Variants in ZNF536 observed in about 807,000 individuals in gnomAD.
ZNF536 encodes the protein zinc finger protein 536.
A neutral mutation model predicts 84.5 loss-of-function variants in ZNF536; 13 were observed. The observed-to-expected ratio is 0.15, with a 90% CI of 0.10 to 0.24. The LOEUF (loss-of-function observed/expected upper bound fraction) is 0.24, where lower values mean the gene tolerates loss of function less well. Ranked by LOEUF, ZNF536 falls within the 10% of genes least tolerant of loss-of-function variation. The pLI is 1.00. For synonymous variants in ZNF536, 811 were observed against 742.5 expected, an observed-to-expected ratio of 1.09 and a Z score of -1.50; for missense variants, 1,536 against 1,747.5, an observed-to-expected ratio of 0.88 and a Z score of 2.16.
chr19:30,539,055 A>AAAGGAAAGAAAAGAAAAGG (rs2045210849), intron 3 of ZNF536, among the ~76,000 whole-genome samples: 1 of 151,992 alleles, frequency 6.6e-6, no homozygotes, highest in East Asian at 1.9e-4. Flanking sequence ...AAAAGGAAAG[A>AAAGGAAAGAAAAGAAAAGG]AAGGAAAGAA....
intron 1 of ZNF536, among the ~76,000 whole-genome samples, chr19:30,709,093 G>T (rs2052359199): frequency 6.6e-6 from 1 of 152,108 alleles, no homozygotes; most frequent in Non-Finnish European, 1.5e-5. Context: ...CCAGCCAGAT[G>T]TTTTACCAGT....
intron 1 of ZNF536, among the ~76,000 whole-genome samples, chr19:30,245,065 T>C (rs1240857770): frequency 6.6e-6 from 1 of 152,152 alleles, no homozygotes; most frequent in Non-Finnish European, 1.5e-5. Context: ...TCCACCAGGC[T>C]TCAGCCTCAC....
intron 1 of ZNF536, among the ~76,000 whole-genome samples, chr19:30,638,581 A>G (rs898325187): frequency 5.3e-5 from 8 of 152,192 alleles, no homozygotes; most frequent in African/African-American, 1.7e-4. Context: ...AGTGCTAAAA[A>G]CCATTCAAGA....
At chr19:30,484,967 C>T (rs1031923932) in intron 2 of ZNF536, among the ~76,000 whole-genome samples, 2 of 151,850 alleles carry the variant, frequency 1.3e-5, no homozygotes, top group African/African-American at 4.8e-5. Context: ...CATGGTGAAA[C>T]CCCGTCTCTA....
chr19:30,708,680 C>T (rs1475138404), intron 1 of ZNF536, among the ~76,000 whole-genome samples: 1 of 152,148 alleles, frequency 6.6e-6, no homozygotes, highest in Admixed American at 6.5e-5. Context: ...TGGATTAGTC[C>T]TGGACACCAG....
At chr19:30,453,970 A>G (rs560636698) in intron 2 of ZNF536, among the ~76,000 whole-genome samples, 2 of 152,352 alleles carry the variant, frequency 1.3e-5, no homozygotes, top group East Asian at 3.9e-4. Flanking sequence ...GCTGCCCACC[A>G]CACCACATGG....
chr19:30,647,250 T>C (rs1812593681), intron 1 of ZNF536, among the ~76,000 whole-genome samples: 1 of 152,240 alleles, frequency 6.6e-6, no homozygotes, highest in Admixed American at 6.5e-5. Flanking sequence ...TCTTCCCCAC[T>C]GCTCAAGTCA....
chr19:30,602,684 G>A (rs138553657), intron 1 of ZNF536, among the ~76,000 whole-genome samples: 1 of 152,228 alleles, frequency 6.6e-6, no homozygotes, highest in African/African-American at 2.4e-5. Context: ...GAAGTTCCAG[G>A]GTTCAAGGAG....
rs879926620 is a variant in ZNF536, at chr19:30,256,287, G to C, written c.-190+27614G>C. Among the ~76,000 whole-genome samples the C allele has an allele frequency of 1.3e-4, 20 of 152,318 alleles. No individual in the cohort carries two copies. In the East Asian group the frequency reaches 3.7e-3, roughly 28 times the overall value. ...TTGTGTTGAAACATAGATCCAAGACGTCGTATGCGATTCCTCATTTTTCCT... is the reference window on the plus strand; with the variant it reads ...TTGTGTTGAAACATAGATCCAAGACCTCGTATGCGATTCCTCATTTTTCCT... On this transcript the variant is annotated intron_variant, in intron 1 of 5. Coordinates refer to the ZNF536 transcript ENST00000585628.
intron 2 of ZNF536, among the ~76,000 whole-genome samples, chr19:30,477,108 TC>T (rs769941732): frequency 6.6e-6 from 1 of 152,182 alleles, no homozygotes; most frequent in Non-Finnish European, 1.5e-5. Context: ...TTTGTTAAGG[TC>T]CACTTGTCTT....
chr19:30,323,649 G>A (rs550264527), intron 2 of ZNF536, among the ~76,000 whole-genome samples: 5 of 152,292 alleles, frequency 3.3e-5, no homozygotes, highest in Non-Finnish European at 7.4e-5. Context: ...GGCAGCATGG[G>A]AAAGAAGGCA....
At chr19:30,500,091 A>T (rs1476388118) in intron 2 of ZNF536, among the ~76,000 whole-genome samples, 1 of 152,200 alleles carries the variant, frequency 6.6e-6, no homozygotes, top group Non-Finnish European at 1.5e-5. Flanking sequence ...AATTTCTTAG[A>T]TTATTTTAAA....
chr19:30,344,303 A>AC (rs2047660385), intron 2 of ZNF536, among the ~76,000 whole-genome samples: 1 of 26,324 alleles, frequency 3.8e-5, no homozygotes, highest in Non-Finnish European at 6.2e-5. Context: ...ACACAAATAT[A>AC]TTGGCGGCCT....
At chr19:30,368,187 C>A (rs1214842009), upstream of ZNF536, among the ~76,000 whole-genome samples, 1 of 152,250 alleles carries the variant, frequency 6.6e-6, no homozygotes, top group Non-Finnish European at 1.5e-5. Context: ...GAGGGCAGAG[C>A]TGGCTGCAGC....
At chr19:30,254,259 C>T (rs977825437) in intron 1 of ZNF536, among the ~76,000 whole-genome samples, 1 of 152,074 alleles carries the variant, frequency 6.6e-6, no homozygotes, top group Non-Finnish European at 1.5e-5. Context: ...CCTGGTGCTC[C>T]GAATGCTCTT....
chr19:30,491,925 TCA>T (rs2054526725), intron 2 of ZNF536, among the ~76,000 whole-genome samples: 1 of 152,210 alleles, frequency 6.6e-6, no homozygotes, highest in Non-Finnish European at 1.5e-5. Flanking sequence ...TATTCCTTGA[TCA>T]GTCTTGTGTT....
chr19:30,338,514 T>A (rs2047461152), intron 2 of ZNF536, among the ~76,000 whole-genome samples: 1 of 151,790 alleles, frequency 6.6e-6, no homozygotes, highest in Non-Finnish European at 1.5e-5. Flanking sequence ...ATGATGATGA[T>A]GGTGCTGCTA....
intron 1 of ZNF536, among the ~76,000 whole-genome samples, chr19:30,629,261 T>C (rs962753118): frequency 3.1e-4 from 47 of 152,300 alleles, no homozygotes; most frequent in African/African-American, 1.1e-3. Context: ...TGCAGTGGCA[T>C]GATCACGGCT....
intron 1 of ZNF536, among the ~76,000 whole-genome samples, chr19:30,705,586 G>A (rs1009294920): frequency 3.9e-5 from 6 of 151,938 alleles, no homozygotes; most frequent in Non-Finnish European, 8.8e-5. Context: ...TCATCCCTTG[G>A]CAAAATTGTC....
Sources: gnomAD v4.1 joint callset for allele counts (sites outside exome capture counted in the v4.1 genomes callset) on GRCh38, gnomAD v4.1.1 for gene constraint, MANE v1.5 for transcripts, NCBI Gene and HGNC (gene_info 2026-07-23, HGNC 2026-07-21) for gene names.